Variants in DNAH5 observed in about 807,000 individuals in gnomAD.
The protein encoded by DNAH5 is dynein axonemal heavy chain 5.
A neutral mutation model predicts 518.2 loss-of-function variants in DNAH5; 372 were observed. That is an observed-to-expected ratio of 0.72 (90% confidence interval 0.66 to 0.78). The LOEUF is 0.78. DNAH5 is among the 30% of genes least tolerant of loss of function. The pLI is 0.00. For missense variants in DNAH5, 5,523 were observed against 5,687.0 expected, an observed-to-expected ratio of 0.97 and a Z score of 0.93; for synonymous variants, 2,039 against 2,025.9, an observed-to-expected ratio of 1.01 and a Z score of -0.17.
intron 12 of DNAH5, among the ~76,000 whole-genome samples, chr5:13,908,235 C>T (rs1775585005): frequency 6.6e-6 from 1 of 152,128 alleles, no homozygotes; most frequent in Non-Finnish European, 1.5e-5. Flanking sequence ...AGTCCACATC[C>T]TAGGATGAAA....
chr5:13,799,546 C>T (rs988273026), intron 47 of DNAH5, among the ~76,000 whole-genome samples: 3 of 152,116 alleles, frequency 2.0e-5, no homozygotes, highest in Non-Finnish European at 4.4e-5. Flanking sequence ...AAAAGCACAA[C>T]AAAATAGGGA....
intron 22 of DNAH5, 134 bp downstream of exon 22, chr5:13,876,550 G>T: frequency 2.0e-6 from 2 of 996,158 alleles, no homozygotes; most frequent in Admixed American, 2.5e-5. Flanking sequence ...CATTTGCTGA[G>T]CACATACAAG....
chr5:13,964,029 C>T (rs895967019), intron 1 of DNAH5, among the ~76,000 whole-genome samples: 3 of 152,180 alleles, frequency 2.0e-5, no homozygotes, highest in African/African-American at 7.2e-5. Context: ...TTACATGTAC[C>T]GATCCCTGGC....
chr5:13,703,570 C>G (rs888276339), intron 76 of DNAH5, among the ~76,000 whole-genome samples: 4 of 152,216 alleles, frequency 2.6e-5, no homozygotes, highest in African/African-American at 9.7e-5. Context: ...TGACCCTCTG[C>G]TCTCTAATGA....
rs1271894812 is a variant in DNAH5 at position 13,823,468 on chromosome 5, A to C, written c.6580-98T>G. ...TGCCCAACACAGTCCGGGTTATTGC[A>C]ATGTAACCACTAACAAATAACATAT... On this transcript the variant is annotated intron_variant, in intron 39 of 78. Coordinates refer to ENST00000265104, the MANE Select transcript of DNAH5 (RefSeq NM_001369.3). 15 of 783,908 alleles carry C rather than the reference A, an allele frequency of 1.9e-5. No homozygotes were observed. In the South Asian group the frequency reaches 2.1e-4, roughly 11 times the overall value. 48.6% of individuals were successfully genotyped at this position (783,908 alleles called of 1,614,324 possible).
intron 35 of DNAH5, among the ~76,000 whole-genome samples, chr5:13,838,815 C>A (rs1156274963): frequency 1.3e-5 from 2 of 152,174 alleles, no homozygotes; most frequent in South Asian, 4.2e-4. Context: ...GGACCACTGG[C>A]TTAGCTCATC....
At chr5:13,773,113 T>C (rs1204679132) in intron 55 of DNAH5, among the ~76,000 whole-genome samples, 1 of 152,202 alleles carries the variant, frequency 6.6e-6, no homozygotes, top group Non-Finnish European at 1.5e-5. Flanking sequence ...GTCTTTTAGT[T>C]CTTTTATCCA....
intron 1 of DNAH5, among the ~76,000 whole-genome samples, chr5:13,994,956 G>T (rs1162448347): frequency 6.6e-6 from 1 of 152,154 alleles, no homozygotes. Context: ...AAGAATCCAC[G>T]CAAGCCAGAA....
At chr5:13,879,434 C>T (rs1771331201) in intron 21 of DNAH5, among the ~76,000 whole-genome samples, 2 of 152,092 alleles carry the variant, frequency 1.3e-5, no homozygotes, top group South Asian at 4.1e-4. Context: ...ATTCTAAGTA[C>T]AGATGCTCTT....
chr5:13,737,604 C>G, intron 65 of DNAH5, 109 bp from the exon 66 acceptor site: 1 of 1,157,806 alleles, frequency 8.6e-7, no homozygotes, highest in Non-Finnish European at 1.2e-6. Context: ...CTGTATTTAT[C>G]ATAATCAACT....
chr5:13,712,570 C>G (rs1743631496), intron 75 of DNAH5, among the ~76,000 whole-genome samples: 1 of 152,166 alleles, frequency 6.6e-6, no homozygotes, highest in Non-Finnish European at 1.5e-5. Context: ...ACAATCTATA[C>G]ATCTGACAAA....
intron 1 of DNAH5, among the ~76,000 whole-genome samples, chr5:13,969,880 G>T (rs1007768895): frequency 1.3e-5 from 2 of 151,998 alleles, no homozygotes; most frequent in Non-Finnish European, 2.9e-5. Context: ...CTGTCTTGAC[G>T]ACCTGTAACT....
At chr5:13,762,489 G>C (rs1279506149) in intron 60 of DNAH5, among the ~76,000 whole-genome samples, 1 of 152,140 alleles carries the variant, frequency 6.6e-6, no homozygotes, top group East Asian at 1.9e-4. Context: ...CCTGTAGGGA[G>C]CATCCTTGTA....
At chr5:13,758,739 T>C in intron 61 of DNAH5, 107 bp downstream of exon 61, 1 of 1,493,626 alleles carries the variant, frequency 6.7e-7, no homozygotes, top group Non-Finnish European at 9.3e-7. Flanking sequence ...TTATGTGCTA[T>C]GTATGTATTA....
intron 75 of DNAH5, among the ~76,000 whole-genome samples, chr5:13,710,054 G>A (rs7705374): frequency 0.38 from 57,932 of 151,738 alleles, 11,226 homozygotes; most frequent in South Asian, 0.44. Context: ...CCCTCACGGA[G>A]TCCATTGCAC....
intron 1 of DNAH5, among the ~76,000 whole-genome samples, chr5:13,985,454 TATATATATATA>T (rs1782987080): frequency 7.2e-6 from 1 of 138,262 alleles, no homozygotes; most frequent in East Asian, 2.0e-4. Flanking sequence ...TATATATATA[TATATATATATA>T]TAAAGCAAAG....
chr5:13,696,754 C>G (rs369171369), intron 78 of DNAH5, among the ~76,000 whole-genome samples: 1 of 152,102 alleles, frequency 6.6e-6, no homozygotes, highest in African/African-American at 2.4e-5. Context: ...AAAGAAACAC[C>G]TCTTCAACAA....
chr5:13,843,849 C>T (rs1031102964), intron 32 of DNAH5, among the ~76,000 whole-genome samples: 1 of 152,254 alleles, frequency 6.6e-6, no homozygotes, highest in African/African-American at 2.4e-5. Flanking sequence ...GGCATTCTCA[C>T]GTTCTTTGTG....
At chr5:13,940,054 C>T (rs985803182) in intron 1 of DNAH5, among the ~76,000 whole-genome samples, 1 of 152,166 alleles carries the variant, frequency 6.6e-6, no homozygotes, top group Non-Finnish European at 1.5e-5. Context: ...TATTTACTCA[C>T]TCCCTTACCT....
Sources: allele counts gnomAD v4.1 joint callset (sites outside exome capture counted in the v4.1 genomes callset), GRCh38; gene constraint gnomAD v4.1.1; transcripts MANE v1.5; gene names NCBI Gene and HGNC (gene_info 2026-07-23, HGNC 2026-07-21).